OR7C1: variants seen among roughly 807,000 people sequenced by gnomAD.
OR7C1 encodes olfactory receptor family 7 subfamily C member 1, also known as olfactory receptor 7C1.
For synonymous variants in OR7C1, 152 were observed against 160.7 expected (o/e 0.95, Z 0.41); for missense variants, 324 against 383.3 (o/e 0.85, Z 1.29).
chr19:14,814,398 C>T (rs2044706702), intron 1 of OR7C1, among the ~76,000 whole-genome samples: 1 of 151,848 alleles, frequency 6.6e-6, no homozygotes, highest in Admixed American at 6.6e-5. Flanking sequence ...AAATGGCCAA[C>T]AGGAATATGG....
intron 1 of OR7C1, chr19:14,827,539 A>G (rs1352877287): frequency 6.2e-7 from 1 of 1,614,162 alleles, no homozygotes. Context: ...AATGCCTTGT[A>G]CTTCCCCTGA....
At position 14,816,072 on chromosome 19, in the gene OR7C1, C is replaced by A. The variant is rs960092251; in HGVS notation, c.-622-6079G>T. 8.5e-5 allele frequency among the ~76,000 whole-genome samples: 13 copies of A among 152,228 alleles called. No homozygotes were observed. The East Asian group carries it at 2.3e-3, about 27-fold the overall frequency. ...ACTCCTGGGCTTAAGTAATCCACCC[C>A]ACTTGGCCTCCCAAAATGTTGGGAT... On this transcript the variant is annotated intron_variant, in intron 1 of 4. Transcript: ENST00000641666.
intron 2 of OR7C1, among the ~76,000 whole-genome samples, chr19:14,808,596 A>C (rs1260782848): frequency 6.6e-6 from 1 of 150,380 alleles, no homozygotes; most frequent in Non-Finnish European, 1.5e-5. Flanking sequence ...ATAATGGAAT[A>C]ATAGTAGGCA....
At position 14,828,315 on chromosome 19, in the gene OR7C1, A is replaced by C. The variant is rs372354094; in HGVS notation, c.-623+6759T>G. ...CAGGCATGCATTGCTAACCTTTCAGAAATACCATCATTTATATTTTATAGC... is the reference window on the plus strand; with the variant it reads ...CAGGCATGCATTGCTAACCTTTCAGCAATACCATCATTTATATTTTATAGC... On this transcript the variant is annotated intron_variant, in intron 1 of 4. Coordinates refer to ENST00000641666, the Ensembl canonical transcript of OR7C1. 8.1e-5 allele frequency: 116 copies of C among 1,431,050 alleles called. No individual in the cohort carries two copies. The South Asian group carries it at 1.5e-3, about 18-fold the overall frequency. 88.6% of individuals were successfully genotyped at this position (1,431,050 alleles called of 1,614,324 possible).
At chr19:14,818,686 C>A (rs900232656) in intron 1 of OR7C1, among the ~76,000 whole-genome samples, 1 of 151,922 alleles carries the variant, frequency 6.6e-6, no homozygotes, top group African/African-American at 2.4e-5. Context: ...TTTTCACCAA[C>A]GTTGTTGTTT....
chr19:14,798,958 TA>T (rs2044624519), exon 5 of OR7C1: 1 of 482,648 alleles, frequency 2.1e-6, no homozygotes, highest in African/African-American at 2.0e-5. Context: ...TGTTCTTTGT[TA>T]GAAAAGAAAT....
At chr19:14,803,288 T>C (rs368537677) in intron 2 of OR7C1, among the ~76,000 whole-genome samples, 16 of 120,252 alleles carry the variant, frequency 1.3e-4, no homozygotes, top group African/African-American at 4.7e-4. Context: ...GCCTGGGTGA[T>C]AGAGGGAGAC....
Position 14,800,017 on chromosome 19 carries a change from G to A in OR7C1, c.120C>T (p.Thr40=), listed in dbSNP as rs552070339. The A allele has an allele frequency of 3.2e-4, 511 of 1,614,074 alleles. 8 individuals are homozygous for A. In the South Asian group the frequency reaches 5.2e-3, roughly 16 times the overall value. The stretch of plus-strand genomic sequence containing the variant: ...TGGCCAGGATGATGAGCAGGTTCCC[G>A]GTGAAAGTGACTAGGTACATGGAGA... Residue 40 remains threonine, a synonymous_variant, in exon 5 of 5, where the codon ACC becomes ACT. Transcript: ENST00000641666.
intron 1 of OR7C1, among the ~76,000 whole-genome samples, chr19:14,814,174 A>G (rs551537706): frequency 6.6e-6 from 1 of 152,282 alleles, no homozygotes; most frequent in East Asian, 1.9e-4. Context: ...CAAAATGTAA[A>G]ATGAGATTAC....
At chr19:14,831,784 A>C (rs1453928782) in intron 1 of OR7C1, among the ~76,000 whole-genome samples, 2 of 151,522 alleles carry the variant, frequency 1.3e-5, no homozygotes, top group Non-Finnish European at 2.9e-5. Flanking sequence ...TTGAATTTTG[A>C]TCACTTTTTT....
At chr19:14,828,057 A>G in intron 1 of OR7C1, 1 of 1,614,158 alleles carries the variant, frequency 6.2e-7, no homozygotes. Context: ...GTTGGAGAGG[A>G]AGAAGTACAT....
chr19:14,827,531 T>A (rs2044782017), intron 1 of OR7C1: 2 of 1,613,910 alleles, frequency 1.2e-6, no homozygotes, highest in African/African-American at 2.7e-5. Context: ...AGGTGGAAAA[T>A]GCCTTGTACT....
intron 1 of OR7C1, among the ~76,000 whole-genome samples, chr19:14,815,714 C>T (rs554785339): frequency 2.0e-4 from 30 of 152,160 alleles, no homozygotes; most frequent in African/African-American, 4.6e-4. Flanking sequence ...GTGTCCCCAC[C>T]GCAAGTCAAT....
At chr19:14,810,701 C>G (rs1374393868) in intron 1 of OR7C1, among the ~76,000 whole-genome samples, 3 of 151,848 alleles carry the variant, frequency 2.0e-5, no homozygotes, top group Admixed American at 6.6e-5. Context: ...GAGCTCTTAA[C>G]TGCAGCTTTG....
intron 1 of OR7C1, chr19:14,824,843 G>A (rs932125225): frequency 6.6e-6 from 1 of 152,182 alleles, no homozygotes; most frequent in African/African-American, 2.4e-5. Context: ...CCCACCAACA[G>A]TGTATAAGTG....
At chr19:14,816,826 G>T (rs1255394705) in intron 1 of OR7C1, among the ~76,000 whole-genome samples, 1 of 152,182 alleles carries the variant, frequency 6.6e-6, no homozygotes, top group African/African-American at 2.4e-5. Flanking sequence ...AGGCAGGTGA[G>T]TTATTGGAGA....
intron 1 of OR7C1, among the ~76,000 whole-genome samples, chr19:14,823,279 C>T (rs141320201): frequency 2.1e-5 from 3 of 142,256 alleles, no homozygotes; most frequent in East Asian, 2.2e-4. Flanking sequence ...ATGGCGAAAC[C>T]CCATCTCTAC....
intron 1 of OR7C1, among the ~76,000 whole-genome samples, chr19:14,822,369 C>CT (rs2044744774): frequency 8.0e-6 from 1 of 125,428 alleles, no homozygotes; most frequent in Non-Finnish European, 1.7e-5. Context: ...CACTTATCTC[C>CT]TGTCTTTTTT....
At chr19:14,832,661 G>A (rs1399631871) in intron 1 of OR7C1, among the ~76,000 whole-genome samples, 1 of 151,722 alleles carries the variant, frequency 6.6e-6, no homozygotes, top group Non-Finnish European at 1.5e-5. Context: ...TCCTGACCCC[G>A]TGATCCACCC....
Sources: gnomAD v4.1 joint callset for allele counts (sites outside exome capture counted in the v4.1 genomes callset) on GRCh38, gnomAD v4.1.1 for gene constraint, MANE v1.5 for transcripts, NCBI Gene and HGNC (gene_info 2026-07-23, HGNC 2026-07-21) for gene names.